GPR89A: variants seen among roughly 807,000 people sequenced by gnomAD.
GPR89A encodes the protein golgi pH regulator A, also known as G protein-coupled receptor 89A.
GPR89A carries 16 observed loss-of-function variants against 52.0 expected under a neutral mutation model. That is an observed-to-expected ratio of 0.31 (90% CI 0.21 to 0.47). The LOEUF (loss-of-function observed/expected upper bound fraction) is 0.47, where lower values mean the gene tolerates loss of function less well. GPR89A is among the 20% of genes least tolerant of loss of function. The pLI is 1.00. For missense variants in GPR89A, 135 were observed against 449.4 expected, an observed-to-expected ratio of 0.30 and a Z score of 6.33; for synonymous variants, 55 against 150.9, an observed-to-expected ratio of 0.36 and a Z score of 4.66.
In GPR89A at chr1:145,661,722, T is replaced by C. The variant is rs587744541; in HGVS notation, c.910-1607T>C. ...GCTTATTTTGAGTCTCTTTTTCTAA[T>C]TTCTTAAGATGGAAACTAAGATCAT... On this transcript the variant is annotated intron_variant, in intron 10 of 13. Transcript: ENST00000313835. Among the ~76,000 whole-genome samples the C allele has an allele frequency of 2.0e-5, 3 of 151,642 alleles. No individual in the cohort carries two copies. In the Admixed American group the frequency reaches 2.0e-4, roughly 10 times the overall value.
At chr1:145,609,093 C>T (rs1648058258) in intron 1 of GPR89A, among the ~76,000 whole-genome samples, 3 of 152,194 alleles carry the variant, frequency 2.0e-5, no homozygotes, top group Non-Finnish European at 2.9e-5. Context: ...ATTTGTGAAG[C>T]TCAGACTGCC....
At chr1:145,626,049 T>C (rs1649475827) in intron 5 of GPR89A, among the ~76,000 whole-genome samples, 1 of 150,490 alleles carries the variant, frequency 6.6e-6, no homozygotes, top group Non-Finnish European at 1.5e-5. Flanking sequence ...ATTTAGGAAA[T>C]GCTAATGTGA....
At chr1:145,640,243 GA>G (rs1346124367) in intron 7 of GPR89A, among the ~76,000 whole-genome samples, 1 of 63,122 alleles carries the variant, frequency 1.6e-5, no homozygotes, top group East Asian at 4.3e-4. Context: ...ACAGATAATA[GA>G]CTAAAATGTA....
intron 1 of GPR89A, chr1:145,608,486 A>G: frequency 3.0e-6 from 2 of 664,534 alleles, no homozygotes; most frequent in African/African-American, 1.9e-5. Context: ...CGGCGGTTCT[A>G]GGAGCTCCTC....
At chr1:145,647,591 G>A (rs1203695335) in intron 10 of GPR89A, among the ~76,000 whole-genome samples, 1 of 151,626 alleles carries the variant, frequency 6.6e-6, no homozygotes, top group East Asian at 1.9e-4. Context: ...ATCACCTGAG[G>A]TCAGGAGTTC....
At chr1:145,632,266 T>A (rs1251778858) in intron 7 of GPR89A, among the ~76,000 whole-genome samples, 1 of 152,184 alleles carries the variant, frequency 6.6e-6, no homozygotes, top group Non-Finnish European at 1.5e-5. Flanking sequence ...TGAAATTTAC[T>A]CTCAGTGATT....
Position 145,663,341 on chromosome 1 carries a change from A to G in GPR89A, c.922A>G (p.Ile308Val), listed in dbSNP as rs1553695919. Residue 308 changes from isoleucine (I) to valine (V), a missense_variant, in exon 11 of 14, where the codon ATT becomes GTT. By Grantham distance (29) the Ile-to-Val change is conservative (BLOSUM62 3). Transcript: ENST00000313835. ...TGCATCTTTGCAGGCTACCATCAAT[A>G]TTGTTTTTGATCGAGTTGGGAAAAC... The part of the protein sequence containing the change: ...VWKIFMATIN[I>V]VFDRVGKTDP... 1.2e-6 allele frequency: 2 copies of G among 1,610,538 alleles called. No homozygotes were observed. Among genetic ancestry groups the G allele is most frequent in the East Asian group, 4.5e-5 (2 of 44,806 alleles).
intron 7 of GPR89A, among the ~76,000 whole-genome samples, chr1:145,636,448 C>A (rs1249322832): frequency 6.7e-6 from 1 of 149,114 alleles, no homozygotes; most frequent in Non-Finnish European, 1.5e-5. Flanking sequence ...AGATGACATA[C>A]AAGAAAAGTA....
At chr1:145,649,144 T>TA (rs1559042993) in intron 10 of GPR89A, among the ~76,000 whole-genome samples, 1 of 152,076 alleles carries the variant, frequency 6.6e-6, no homozygotes, top group Admixed American at 6.5e-5. Context: ...GTATAACTGA[T>TA]ATGTAAACCG....
chr1:145,648,649 T>C (rs1214836024), intron 10 of GPR89A, among the ~76,000 whole-genome samples: 8 of 151,820 alleles, frequency 5.3e-5, no homozygotes, highest in Non-Finnish European at 1.2e-4. Flanking sequence ...CCAGCTAACT[T>C]TTTTGTATTT....
chr1:145,646,594 A>C (rs1651008503), intron 9 of GPR89A: 1 of 376,546 alleles, frequency 2.7e-6, no homozygotes, highest in Admixed American at 4.3e-5. Context: ...TTTATAAGTT[A>C]GTAATATTAT....
chr1:145,615,969 C>G (rs1648658510), intron 1 of GPR89A, among the ~76,000 whole-genome samples: 2 of 151,244 alleles, frequency 1.3e-5, no homozygotes, highest in South Asian at 2.1e-4. Context: ...TAATGATTAT[C>G]ATAAGATTAT....
intron 3 of GPR89A, 41 bp from the exon 4 acceptor site, chr1:145,623,013 C>T: frequency 6.3e-7 from 1 of 1,596,722 alleles, no homozygotes; most frequent in Non-Finnish European, 8.5e-7. Context: ...AAGTTGCTGC[C>T]CTCTCTTCCT....
At chr1:145,665,747 C>T in intron 12 of GPR89A, 96 bp downstream of exon 12, 1 of 620,952 alleles carries the variant, frequency 1.6e-6, no homozygotes, top group South Asian at 1.9e-5. Flanking sequence ...GTAATCCCAA[C>T]ACTTTGGAAG....
chr1:145,627,525 TGAG>T (rs1428023194), intron 5 of GPR89A, among the ~76,000 whole-genome samples: 2 of 152,088 alleles, frequency 1.3e-5, no homozygotes, highest in African/African-American at 4.8e-5. Context: ...AGAATTTAGG[TGAG>T]GATTTATTCG....
intron 8 of GPR89A, chr1:145,645,363 A>G (rs1406474092): frequency 1.7e-4 from 59 of 344,808 alleles, no homozygotes; most frequent in Middle Eastern, 1.0e-3. Context: ...ATGTGCTTCT[A>G]TTTTAGAAGG....
chr1:145,612,515 A>G (rs1190090446), intron 1 of GPR89A, among the ~76,000 whole-genome samples: 8 of 152,198 alleles, frequency 5.3e-5, no homozygotes, highest in Admixed American at 1.3e-4. Flanking sequence ...CTTGAGTTCA[A>G]TCTTGATTCT....
At chr1:145,649,471 A>G (rs1651297911) in intron 10 of GPR89A, among the ~76,000 whole-genome samples, 1 of 149,388 alleles carries the variant, frequency 6.7e-6, no homozygotes, top group African/African-American at 2.5e-5. Context: ...TATGATTTGT[A>G]TCAGTAGTTT....
chr1:145,611,962 T>A (rs1648311065), intron 1 of GPR89A, among the ~76,000 whole-genome samples: 1 of 152,110 alleles, frequency 6.6e-6, no homozygotes, highest in Non-Finnish European at 1.5e-5. Flanking sequence ...CATGTATATA[T>A]AAGTCCACAC....
Sources: gnomAD v4.1 joint callset for allele counts (sites outside exome capture counted in the v4.1 genomes callset) on GRCh38, gnomAD v4.1.1 for gene constraint, MANE v1.5 for transcripts, NCBI Gene and HGNC (gene_info 2026-07-23, HGNC 2026-07-21) for gene names.